Variants in DCBLD1 observed in about 807,000 individuals in gnomAD.
DCBLD1 encodes the protein discoidin, CUB and LCCL domain containing 1, also known as discoidin, CUB and LCCL domain-containing protein 1.
DCBLD1 carries 57 observed loss-of-function variants against 71.5 expected under a neutral mutation model. The ratio of observed to expected loss-of-function variants is 0.80; its 90% confidence interval spans 0.64 to 0.99. DCBLD1 has a LOEUF of 0.99. DCBLD1 is among the 50% of genes least tolerant of loss of function. The pLI is 0.00. For synonymous variants in DCBLD1, 380 were observed against 363.8 expected (o/e 1.04, Z -0.51); for missense variants, 891 against 923.5 (o/e 0.96, Z 0.46).
chr6:117,531,602 G>T (rs1306498948), intron 5 of DCBLD1, among the ~76,000 whole-genome samples: 1 of 152,200 alleles, frequency 6.6e-6, no homozygotes, highest in Non-Finnish European at 1.5e-5. Context: ...CTCCTGAGGG[G>T]ATTCAGGAAG....
At chr6:117,493,462 A>C (rs534906501) in intron 1 of DCBLD1, among the ~76,000 whole-genome samples, 2 of 152,322 alleles carry the variant, frequency 1.3e-5, no homozygotes, top group South Asian at 4.1e-4. Context: ...GAGTACTTCG[A>C]TAATTTAAAA....
At position 117,549,420 on chromosome 6, in the gene DCBLD1, A is replaced by G. The variant is rs1779384430; in HGVS notation, c.*981A>G. On this transcript the variant is annotated 3_prime_UTR_variant, in exon 15 of 15. Transcript: ENST00000338728. ...TTGGAAACTGATCTCATTTTATAAG[A>G]AATGATTTTCCCCTCAAGGAGGCGT... 2.0e-6 allele frequency: 2 copies of G among 985,400 alleles called. No individual in the cohort carries two copies. Among genetic ancestry groups the G allele is most frequent in the South Asian group, 9.4e-5 (2 of 21,284 alleles). 61.0% of individuals were successfully genotyped at this position (985,400 alleles called of 1,614,324 possible). A position where few individuals can be genotyped will look rare whatever the true frequency, so the allele number is the denominator to read the frequency against.
intron 14 of DCBLD1, among the ~76,000 whole-genome samples, chr6:117,546,900 C>G (rs1047237853): frequency 6.6e-6 from 1 of 152,188 alleles, no homozygotes; most frequent in Non-Finnish European, 1.5e-5. Flanking sequence ...GTTCCTAACC[C>G]TCACCACAGA....
chr6:117,490,842 A>G (rs1429641897), intron 1 of DCBLD1, among the ~76,000 whole-genome samples: 1 of 152,212 alleles, frequency 6.6e-6, no homozygotes, highest in Non-Finnish European at 1.5e-5. Context: ...CTTGCAAACT[A>G]ATAATATGTA....
At chr6:117,547,874 G>GC in intron 14 of DCBLD1, 33 bp from the exon 15 acceptor site, 2 of 1,550,308 alleles carry the variant, frequency 1.3e-6, no homozygotes, top group Non-Finnish European at 1.7e-6. Context: ...CGTGTGTGGT[G>GC]CCCGCTAGCT....
Position 117,537,310 on chromosome 6 carries a change from G to A in DCBLD1, c.760+85G>A, listed in dbSNP as rs575698465. The A allele has an allele frequency of 1.6e-5, 20 of 1,245,518 alleles. No homozygotes were observed. The East Asian group carries it at 2.9e-4, about 18-fold the overall frequency. 77.2% of individuals were successfully genotyped at this position (1,245,518 alleles called of 1,614,324 possible). On this transcript the variant is annotated intron_variant, in intron 7 of 14. Coordinates refer to ENST00000338728, the MANE Select transcript of DCBLD1 (RefSeq NM_001366458.2). ...AGCACTTTGGGAGGCCGAGGCAGGC[G>A]GATCATGAGGTCAGGAGATCGAGAC...
chr6:117,524,625 C>A (rs1778488464), intron 4 of DCBLD1, among the ~76,000 whole-genome samples: 1 of 152,086 alleles, frequency 6.6e-6, no homozygotes, highest in Admixed American at 6.6e-5. Context: ...AGCACTTGAA[C>A]TGTGGTGAGT....
At position 117,540,997 on chromosome 6, in the gene DCBLD1, GC is replaced by G; in HGVS notation, c.1332del (p.Ile445SerfsTer10). On this transcript the variant is annotated frameshift_variant, in exon 11 of 15. Transcript: ENST00000338728. LOFTEE classifies it high-confidence loss of function. ...AGAAAGAAGATGAGACAATCACAAG[GC>G]CCATCCCCTCGGAAGAAACATCCAC... Reference protein sequence around the residue: ...TKKEDETITRPIPSEETSTGI... With the variant: ...TKKEDETITRXIPSEETSTGI... 2 of 1,614,138 alleles carry G rather than the reference GC, an allele frequency of 1.2e-6. 1 individual carries two copies. Among genetic ancestry groups the G allele is most frequent in the South Asian group, 2.2e-5 (2 of 91,074 alleles).
chr6:117,537,152 C>G (rs751524192), intron 6 of DCBLD1, 33 bp from the exon 7 acceptor site: 1 of 1,613,354 alleles, frequency 6.2e-7, no homozygotes, highest in East Asian at 2.2e-5. Context: ...AGGTGAGCAA[C>G]TTACCTTCTC....
intron 2 of DCBLD1, among the ~76,000 whole-genome samples, 186 bp from the exon 3 acceptor site, chr6:117,519,630 G>T (rs957345791): frequency 1.3e-5 from 2 of 152,038 alleles, no homozygotes; most frequent in African/African-American, 4.8e-5. Flanking sequence ...TTTCCCCCTT[G>T]GCTTAGTTCA....
chr6:117,542,100 C>G (rs1273596481), intron 11 of DCBLD1, among the ~76,000 whole-genome samples: 2 of 152,016 alleles, frequency 1.3e-5, no homozygotes, highest in African/African-American at 4.8e-5. Context: ...CGAGACCAGC[C>G]CGGGCAACAT....
At chr6:117,523,968 A>C (rs964361850) in intron 4 of DCBLD1, among the ~76,000 whole-genome samples, 2 of 152,072 alleles carry the variant, frequency 1.3e-5, no homozygotes, top group Non-Finnish European at 2.9e-5. Context: ...TTTTTTATAG[A>C]TGTTTATAGC....
chr6:117,491,684 A>G (rs1777298064), intron 1 of DCBLD1, among the ~76,000 whole-genome samples: 1 of 152,182 alleles, frequency 6.6e-6, no homozygotes, highest in Non-Finnish European at 1.5e-5. Context: ...GGTTTGTACA[A>G]AGATCCAAAC....
At chr6:117,531,907 T>C (rs1229470054) in intron 5 of DCBLD1, among the ~76,000 whole-genome samples, 1 of 152,054 alleles carries the variant, frequency 6.6e-6, no homozygotes, top group Admixed American at 6.6e-5. Flanking sequence ...TACTGATGAG[T>C]TTGAGGGTGA....
chr6:117,515,727 A>G (rs1010971234), intron 2 of DCBLD1, among the ~76,000 whole-genome samples: 1 of 152,082 alleles, frequency 6.6e-6, no homozygotes, highest in African/African-American at 2.4e-5. Context: ...CATTACAGAA[A>G]TTTTTTTCTT....
chr6:117,567,238 C>A (rs1205757683), intron 14 of DCBLD1, among the ~76,000 whole-genome samples: 1 of 152,134 alleles, frequency 6.6e-6, no homozygotes, highest in Non-Finnish European at 1.5e-5. Flanking sequence ...TCTACAGTTC[C>A]TTTAAACATT....
exon 15 of DCBLD1, chr6:117,569,689 C>A (rs41305292): frequency 1.2e-6 from 2 of 1,608,052 alleles, no homozygotes; most frequent in East Asian, 4.5e-5. Flanking sequence ...CAGGTTGCCC[C>A]GGATGGATCT....
chr6:117,486,901 A>G (rs1777106401), intron 1 of DCBLD1, among the ~76,000 whole-genome samples: 1 of 152,176 alleles, frequency 6.6e-6, no homozygotes, highest in South Asian at 2.1e-4. Flanking sequence ...GCCTCCTGTC[A>G]GATCAGCCGG....
At chr6:117,554,405 TG>T (rs1779469635), downstream of DCBLD1, among the ~76,000 whole-genome samples, 2 of 152,188 alleles carry the variant, frequency 1.3e-5, no homozygotes. Context: ...TCACAAGGAA[TG>T]TGCTTAATTT....
Sources: gnomAD v4.1 joint callset for allele counts (sites outside exome capture counted in the v4.1 genomes callset) on GRCh38, gnomAD v4.1.1 for gene constraint, MANE v1.5 for transcripts, NCBI Gene and HGNC (gene_info 2026-07-23, HGNC 2026-07-21) for gene names.